Variants in TIMP3 observed in about 807,000 individuals in gnomAD.
TIMP3 encodes TIMP metallopeptidase inhibitor 3, also known as metalloproteinase inhibitor 3.
TIMP3 carries 11 observed loss-of-function variants against 30.0 expected under a neutral mutation model. That is an observed-to-expected ratio of 0.37 (90% CI 0.23 to 0.61). The LOEUF (loss-of-function observed/expected upper bound fraction) is 0.61. Among genes scored for constraint, TIMP3 ranks in the 20% least tolerant of loss-of-function variants. The pLI, the probability that TIMP3 is intolerant of heterozygous loss-of-function variation, is 0.70. For missense variants in TIMP3, 181 were observed against 276.8 expected, an observed-to-expected ratio of 0.65 and a Z score of 2.45; for synonymous variants, 112 against 111.3, an observed-to-expected ratio of 1.01 and a Z score of -0.04.
In TIMP3 at chr22:32,860,914, T is replaced by TG. The variant is rs980332256; in HGVS notation, c.*1537_*1538insG. The TG allele has an allele frequency of 3.7e-4, 10 of 27,226 alleles. No homozygotes were observed. The African/African-American group carries it at 5.1e-3, about 14-fold the overall frequency. 1.7% of individuals were successfully genotyped at this position (27,226 alleles called of 1,614,324 possible). A position where few individuals can be genotyped will look rare whatever the true frequency, so the allele number is the denominator to read the frequency against. On this transcript the variant is annotated 3_prime_UTR_variant, in exon 5 of 5. Coordinates refer to ENST00000266085, the MANE Select transcript of TIMP3 (RefSeq NM_000362.5). ...AACCAGTTGTAGGGTTTCTGTTGTGTTTTTTTTTTTTTTTTTGAAATAAAA... is the reference window on the plus strand; with the variant it reads ...AACCAGTTGTAGGGTTTCTGTTGTGTGTTTTTTTTTTTTTTTTGAAATAAAA...
At chr22:32,857,184 G>A in intron 2 of TIMP3, 65 bp from the exon 3 acceptor site, 1 of 1,223,460 alleles carries the variant, frequency 8.2e-7, no homozygotes, top group Non-Finnish European at 1.2e-6. Flanking sequence ...CCAGCAGTGG[G>A]ATTAGGGATC....
intron 1 of TIMP3, among the ~76,000 whole-genome samples, chr22:32,818,452 G>T (rs2047146456): frequency 6.6e-6 from 1 of 152,218 alleles, no homozygotes; most frequent in South Asian, 2.1e-4. Context: ...TCTGCTGTGT[G>T]ATTCTGGTTG....
chr22:32,834,548 G>A (rs975960048), intron 1 of TIMP3, among the ~76,000 whole-genome samples: 1 of 152,210 alleles, frequency 6.6e-6, no homozygotes, highest in East Asian at 1.9e-4. Flanking sequence ...GCAAAACCCT[G>A]CCAGCTTTCA....
At chr22:32,822,314 G>C (rs2047273134) in intron 1 of TIMP3, among the ~76,000 whole-genome samples, 1 of 152,150 alleles carries the variant, frequency 6.6e-6, no homozygotes, top group African/African-American at 2.4e-5. Flanking sequence ...TGCGTGGGAT[G>C]TGCTCCATGT....
intron 1 of TIMP3, among the ~76,000 whole-genome samples, chr22:32,846,998 A>T (rs1307318554): frequency 6.6e-6 from 1 of 152,122 alleles, no homozygotes; most frequent in Non-Finnish European, 1.5e-5. Flanking sequence ...TCTGCTTGTG[A>T]CATCTTCTGT....
intron 1 of TIMP3, among the ~76,000 whole-genome samples, chr22:32,829,484 C>T (rs2047512444): frequency 6.6e-6 from 1 of 152,214 alleles, no homozygotes; most frequent in Non-Finnish European, 1.5e-5. Flanking sequence ...ACTTCTTGGC[C>T]TGGGAATTGA....
chr22:32,861,335 T>C lies in TIMP3; in HGVS notation c.*1958T>C, dbSNP rs1427384. On this transcript the variant is annotated 3_prime_UTR_variant, in exon 5 of 5. Coordinates refer to ENST00000266085, the MANE Select transcript of TIMP3 (RefSeq NM_000362.5). ...CCGTGTACCTTTCCCATTGTGGTCA[T>C]GCCATTTGGCAGGGGGAGAATGGGA... is the stretch of plus-strand genomic sequence containing the variant. 44,145 of 152,240 alleles carry C rather than the reference T, an allele frequency of 0.29. 6,722 individuals carry two copies. Among genetic ancestry groups the C allele is most frequent in the African/African-American group, 0.37 (15,354 of 41,508 alleles). The allele number at this position is 152,240 out of a possible 1,614,324, so 9.4% of individuals were successfully genotyped here.
chr22:32,824,053 C>A (rs2047332495), intron 1 of TIMP3, among the ~76,000 whole-genome samples: 1 of 152,028 alleles, frequency 6.6e-6, no homozygotes, highest in Non-Finnish European at 1.5e-5. Context: ...CCAAGGGTGG[C>A]GGATCATGAG....
intron 1 of TIMP3, among the ~76,000 whole-genome samples, chr22:32,834,609 G>A (rs747271911): frequency 6.6e-6 from 1 of 152,198 alleles, no homozygotes; most frequent in Non-Finnish European, 1.5e-5. Flanking sequence ...TGTATGTTTT[G>A]CAGATACTCT....
chr22:32,846,695 T>C (rs1034922050), intron 1 of TIMP3, among the ~76,000 whole-genome samples: 2 of 152,180 alleles, frequency 1.3e-5, no homozygotes, highest in Non-Finnish European at 2.9e-5. Flanking sequence ...CCAGGCTCTT[T>C]AATGCAATGC....
intron 1 of TIMP3, among the ~76,000 whole-genome samples, chr22:32,808,489 G>T (rs571773049): frequency 1.3e-5 from 2 of 152,314 alleles, no homozygotes; most frequent in South Asian, 2.1e-4. Flanking sequence ...GTTTAGGAAA[G>T]AATTCCTGTT....
intron 1 of TIMP3, among the ~76,000 whole-genome samples, chr22:32,832,793 T>C (rs2047615331): frequency 6.6e-6 from 1 of 152,144 alleles, no homozygotes; most frequent in Admixed American, 6.5e-5. Flanking sequence ...AGTGGCATGA[T>C]ACTGGCTTCC....
intron 2 of TIMP3, 84 bp from the exon 3 acceptor site, chr22:32,857,165 G>A: frequency 9.6e-7 from 1 of 1,040,224 alleles, no homozygotes; most frequent in South Asian, 1.3e-5. Context: ...CTTTCCTTTG[G>A]ATACATACCC....
chr22:32,814,779 C>T (rs775375201), intron 1 of TIMP3, among the ~76,000 whole-genome samples: 1 of 151,806 alleles, frequency 6.6e-6, no homozygotes, highest in Non-Finnish European at 1.5e-5. Context: ...GGCTCACAAG[C>T]GGGGAGACAG....
intron 1 of TIMP3, among the ~76,000 whole-genome samples, chr22:32,809,981 T>G (rs1354104129): frequency 6.6e-6 from 1 of 152,212 alleles, no homozygotes. Flanking sequence ...ATGCCTGGGA[T>G]AGACAGCAGG....
chr22:32,832,799 C>T (rs2047615831), intron 1 of TIMP3, among the ~76,000 whole-genome samples: 2 of 152,088 alleles, frequency 1.3e-5, no homozygotes, highest in South Asian at 4.1e-4. Flanking sequence ...ATGATACTGG[C>T]TTCCTGCAGC....
At chr22:32,809,770 C>T (rs2046863247) in intron 1 of TIMP3, among the ~76,000 whole-genome samples, 1 of 152,158 alleles carries the variant, frequency 6.6e-6, no homozygotes, top group Non-Finnish European at 1.5e-5. Flanking sequence ...CTCATGGGTT[C>T]CTGGGTGATT....
chr22:32,858,879 G>A (rs767112514), intron 4 of TIMP3, among the ~76,000 whole-genome samples: 50 of 152,076 alleles, frequency 3.3e-4, no homozygotes, highest in Admixed American at 7.2e-4. Flanking sequence ...AGACGAAAAA[G>A]TCCTCTCAGT....
rs374814967 is a variant in TIMP3 at position 32,802,094 on chromosome 22, C to G, written c.93C>G (p.Pro31=). Residue 31 remains proline, a synonymous_variant, in exon 1 of 5, where the codon CCC becomes CCG. Coordinates refer to ENST00000266085, the MANE Select transcript of TIMP3 (RefSeq NM_000362.5). The part of the protein sequence containing the change: ...AEACTCSPSH[P]QDAFCNSDIV... ...CGTGCACATGCTCGCCCAGCCACCC[C>G]CAGGACGCCTTCTGCAACTCCGACA... The G allele has an allele frequency of 6.3e-6, 10 of 1,580,824 alleles. No individual in the cohort carries two copies. Among genetic ancestry groups the G allele is most frequent in the Middle Eastern group, 1.7e-4 (1 of 6,036 alleles).
Sources: gnomAD v4.1 joint callset for allele counts (sites outside exome capture counted in the v4.1 genomes callset) on GRCh38, gnomAD v4.1.1 for gene constraint, MANE v1.5 for transcripts, NCBI Gene and HGNC (gene_info 2026-07-23, HGNC 2026-07-21) for gene names.